Variants in KCNH1 observed in about 807,000 individuals in gnomAD.
KCNH1 encodes voltage-gated delayed rectifier potassium channel KCNH1.
KCNH1 carries 27 observed loss-of-function variants against 69.2 expected under a neutral mutation model. The observed-to-expected ratio is 0.39, with a 90% CI of 0.29 to 0.54. The LOEUF is 0.54. KCNH1 is among the 20% of genes least tolerant of loss of function. The pLI, the probability that KCNH1 is intolerant of heterozygous loss-of-function variation, is 0.68. For missense variants in KCNH1, 798 were observed against 1,261.6 expected, an observed-to-expected ratio of 0.63 and a Z score of 5.57; for synonymous variants, 456 against 487.7, an observed-to-expected ratio of 0.93 and a Z score of 0.86.
chr1:210,876,761 C>T (rs867987850), intron 7 of KCNH1, among the ~76,000 whole-genome samples: 3 of 152,052 alleles, frequency 2.0e-5, no homozygotes, highest in South Asian at 4.1e-4. Context: ...TAGCACAAAG[C>T]GCTCAGCTCT....
chr1:210,880,838 G>A (rs1686477693), intron 7 of KCNH1, among the ~76,000 whole-genome samples: 1 of 151,966 alleles, frequency 6.6e-6, no homozygotes, highest in Non-Finnish European at 1.5e-5. Flanking sequence ...TTAGATAAAA[G>A]ACTGTTTCCC....
chr1:211,122,023 A>T (rs1326089803), intron 1 of KCNH1, among the ~76,000 whole-genome samples: 1 of 152,088 alleles, frequency 6.6e-6, no homozygotes, highest in African/African-American at 2.4e-5. Context: ...TTGCAGTCCC[A>T]GCTACTCGGG....
At chr1:210,750,853 AAAAATATGAGAGCT>A (rs1558454218) in intron 10 of KCNH1, among the ~76,000 whole-genome samples, 90 of 152,332 alleles carry the variant, frequency 5.9e-4, no homozygotes, top group African/African-American at 2.1e-3. Flanking sequence ...GATGACTCTT[AAAAATATGAGAGCT>A]CATCTAATGT....
intron 5 of KCNH1, among the ~76,000 whole-genome samples, chr1:211,059,294 TAGAG>T (rs939982819): frequency 8.0e-5 from 11 of 136,724 alleles, no homozygotes; most frequent in African/African-American, 2.2e-4. Flanking sequence ...AAAAAAAAAA[TAGAG>T]AGAGAGAGAC....
intron 7 of KCNH1, among the ~76,000 whole-genome samples, chr1:210,804,827 C>G (rs1044718841): frequency 2.0e-5 from 3 of 152,202 alleles, no homozygotes; most frequent in African/African-American, 7.2e-5. Flanking sequence ...CAATCTGCTT[C>G]ACTGTGATGT....
At chr1:211,047,714 A>G (rs1571605590) in intron 5 of KCNH1, among the ~76,000 whole-genome samples, 1 of 152,368 alleles carries the variant, frequency 6.6e-6, no homozygotes, top group South Asian at 2.1e-4. Flanking sequence ...GTTAAGCAGT[A>G]TTCAAAAACT....
At chr1:210,844,949 C>T (rs1282467292) in intron 7 of KCNH1, among the ~76,000 whole-genome samples, 3 of 152,154 alleles carry the variant, frequency 2.0e-5, no homozygotes, top group Non-Finnish European at 4.4e-5. Context: ...ACTATAAACA[C>T]CTCTACGCAA....
chr1:211,047,603 G>GA (rs755004719), intron 5 of KCNH1, among the ~76,000 whole-genome samples: 2 of 152,132 alleles, frequency 1.3e-5, no homozygotes, highest in Non-Finnish European at 2.9e-5. Context: ...TTCCTCACCT[G>GA]AAAAATGAAG....
At position 210,954,167 on chromosome 1, in the gene KCNH1, G is replaced by A. The variant is rs553731029; in HGVS notation, c.1033-34098C>T. Among the ~76,000 whole-genome samples the A allele has an allele frequency of 2.0e-5, 3 of 151,786 alleles. No individual in the cohort carries two copies. In the South Asian group the frequency reaches 6.2e-4, roughly 32 times the overall value. On this transcript the variant is annotated intron_variant, in intron 6 of 10. Coordinates refer to ENST00000271751, the MANE Select transcript of KCNH1 (RefSeq NM_172362.3). Reference sequence around the variant, plus strand: ...GAGAACATGCGGTGTTTGGTTTTCTGTCCTTGTGACAGTTTGCTCAGAATG... The same window carrying A: ...GAGAACATGCGGTGTTTGGTTTTCTATCCTTGTGACAGTTTGCTCAGAATG...
chr1:210,819,845 G>C (rs1684891521), intron 7 of KCNH1, among the ~76,000 whole-genome samples: 1 of 152,196 alleles, frequency 6.6e-6, no homozygotes, highest in Non-Finnish European at 1.5e-5. Flanking sequence ...TCCTAGTCTA[G>C]TTCACAAAAA....
At chr1:210,863,012 T>C (rs1175095565) in intron 7 of KCNH1, among the ~76,000 whole-genome samples, 1 of 152,198 alleles carries the variant, frequency 6.6e-6, no homozygotes, top group African/African-American at 2.4e-5. Context: ...AGGGCATGCG[T>C]GTAAAGTTAG....
intron 6 of KCNH1, among the ~76,000 whole-genome samples, chr1:210,956,213 T>G (rs1381836551): frequency 6.6e-6 from 1 of 152,200 alleles, no homozygotes; most frequent in Admixed American, 6.5e-5. Flanking sequence ...GTTTACTGAT[T>G]TGAGTATGTT....
At chr1:210,891,417 C>A (rs1364655538) in intron 7 of KCNH1, among the ~76,000 whole-genome samples, 1 of 151,930 alleles carries the variant, frequency 6.6e-6, no homozygotes, top group African/African-American at 2.4e-5. Flanking sequence ...GGAGGGATAG[C>A]ATTAGGAGAA....
At chr1:211,024,584 G>A (rs1689650542) in intron 5 of KCNH1, among the ~76,000 whole-genome samples, 1 of 152,234 alleles carries the variant, frequency 6.6e-6, no homozygotes, top group Admixed American at 6.5e-5. Flanking sequence ...TGTAACCAGA[G>A]GATTTTAGGT....
At chr1:210,773,009 T>A (rs1318227956) in intron 10 of KCNH1, among the ~76,000 whole-genome samples, 2 of 152,218 alleles carry the variant, frequency 1.3e-5, no homozygotes, top group Non-Finnish European at 1.5e-5. Flanking sequence ...GAGCCACAAT[T>A]ATTCCAAGAA....
intron 1 of KCNH1, among the ~76,000 whole-genome samples, chr1:211,108,877 G>A (rs761571912): frequency 4.6e-5 from 7 of 152,270 alleles, no homozygotes; most frequent in Middle Eastern, 6.8e-3. Flanking sequence ...GCCAACAGGT[G>A]CCAAGCACAA....
At chr1:210,917,347 G>T in intron 7 of KCNH1, among the ~76,000 whole-genome samples, 1 of 151,944 alleles carries the variant, frequency 6.6e-6, no homozygotes, top group African/African-American at 2.4e-5. Flanking sequence ...CAGAGAGAGA[G>T]AAAGAGAGAG....
At chr1:210,927,318 C>T (rs1402302527) in intron 6 of KCNH1, among the ~76,000 whole-genome samples, 1 of 152,280 alleles carries the variant, frequency 6.6e-6, no homozygotes, top group East Asian at 1.9e-4. Context: ...GCAAAAGCAT[C>T]AGGTAACCTA....
intron 6 of KCNH1, among the ~76,000 whole-genome samples, chr1:210,929,428 A>C (rs1425542699): frequency 6.6e-6 from 1 of 152,164 alleles, no homozygotes; most frequent in Non-Finnish European, 1.5e-5. Context: ...AACAAAAATC[A>C]CATGATTATC....
Sources: allele counts gnomAD v4.1 joint callset (sites outside exome capture counted in the v4.1 genomes callset), GRCh38; gene constraint gnomAD v4.1.1; transcripts MANE v1.5; gene names NCBI Gene and HGNC (gene_info 2026-07-23, HGNC 2026-07-21).